Variants in SENP7 observed in about 807,000 individuals in gnomAD.
The protein encoded by SENP7 is SUMO specific peptidase 7, also known as sentrin-specific protease 7.
SENP7 carries 64 observed loss-of-function variants against 141.2 expected under a neutral mutation model. The ratio of observed to expected loss-of-function variants is 0.45; its 90% CI spans 0.37 to 0.56. The LOEUF (loss-of-function observed/expected upper bound fraction) is 0.56, where lower values mean the gene tolerates loss of function less well. Ranked by LOEUF, SENP7 falls within the 20% of genes least tolerant of loss-of-function variation. The pLI is 0.00. For missense variants in SENP7, 1,025 were observed against 1,212.2 expected (o/e 0.85, Z 2.29); for synonymous variants, 382 against 426.4 (o/e 0.90, Z 1.28).
At chr3:101,506,150 A>G (rs2065600910) in intron 1 of SENP7, among the ~76,000 whole-genome samples, 1 of 151,170 alleles carries the variant, frequency 6.6e-6, no homozygotes, top group Non-Finnish European at 1.5e-5. Context: ...CCTCCCCAGT[A>G]CCTGGGACTA....
Position 101,332,864 on chromosome 3 carries a change from TGA to T in SENP7, c.2481-4_2481-3del. 1 of 1,576,912 alleles carries T rather than the reference TGA, an allele frequency of 6.3e-7. No homozygotes were observed. Among genetic ancestry groups the T allele is most frequent in the Non-Finnish European group, 8.6e-7 (1 of 1,167,014 alleles). On this transcript the variant is annotated splice_polypyrimidine_tract_variant and splice_region_variant and intron_variant, in intron 17 of 23. Coordinates refer to ENST00000394095, the MANE Select transcript of SENP7 (RefSeq NM_020654.5). Reference sequence around the variant, plus strand: ...CTTTTATGTCTTCTCTGTGCCATTCTGAGAGTATGAAAGACAGATTTGATATA... The same window carrying T: ...CTTTTATGTCTTCTCTGTGCCATTCTGAGTATGAAAGACAGATTTGATATA...
intron 1 of SENP7, among the ~76,000 whole-genome samples, chr3:101,503,090 T>C (rs925776075): frequency 5.9e-5 from 9 of 152,142 alleles, no homozygotes; most frequent in African/African-American, 2.2e-4. Flanking sequence ...ATCTTCAAAA[T>C]GGACAAAAGT....
intron 11 of SENP7, chr3:101,358,462 T>C (rs1381743675): frequency 1.7e-5 from 6 of 359,008 alleles, no homozygotes; most frequent in Non-Finnish European, 2.8e-5. Flanking sequence ...TAACCAGCCC[T>C]CAACTCTTAG....
At chr3:101,476,466 T>C (rs1455332625) in intron 3 of SENP7, among the ~76,000 whole-genome samples, 2 of 152,214 alleles carry the variant, frequency 1.3e-5, no homozygotes, top group African/African-American at 4.8e-5. Context: ...CTATGGTGTA[T>C]ATGTGCCACA....
chr3:101,370,494 T>C (rs980317136), intron 7 of SENP7, among the ~76,000 whole-genome samples: 2 of 152,204 alleles, frequency 1.3e-5, no homozygotes, highest in African/African-American at 2.4e-5. Context: ...ATATAACCTA[T>C]ATACATTCTC....
In SENP7 at chr3:101,327,754, A is replaced by G. The variant is rs1451199284; in HGVS notation, c.2927T>C (p.Met976Thr). 6.2e-7 allele frequency: 1 copy of G among 1,611,474 alleles called. No individual in the cohort carries two copies. Among genetic ancestry groups the G allele is most frequent in the East Asian group, 2.2e-5 (1 of 44,744 alleles). The change falls in exon 23 of 24, where the codon ATG becomes ACG. Residue 976 changes from methionine to threonine, a missense_variant. Met to Thr is a moderately conservative substitution (Grantham distance 81, BLOSUM62 -1). Coordinates refer to ENST00000394095, the MANE Select transcript of SENP7 (RefSeq NM_020654.5). ...AGGAACTTTAGGGCATAGATCCACCATGTTTGTTTTGCTGAATTGACGATG... is the reference window on the plus strand; with the variant it reads ...AGGAACTTTAGGGCATAGATCCACCGTGTTTGTTTTGCTGAATTGACGATG... ...KTHRQFSKTN[M>T]VDLCPKVPKQ...
chr3:101,402,001 CAAAAA>C (rs35310049), intron 5 of SENP7, among the ~76,000 whole-genome samples: 1 of 108,800 alleles, frequency 9.2e-6, no homozygotes, highest in African/African-American at 3.5e-5. Context: ...GACCCTGCCT[CAAAAA>C]AAAAAAAAAA....
In SENP7 at chr3:101,403,770, T is replaced by C. The variant is rs2061220506; in HGVS notation, c.483-4715A>G. Among the ~76,000 whole-genome samples the C allele has an allele frequency of 2.0e-5, 3 of 152,090 alleles. No individual in the cohort carries two copies. The South Asian group carries it at 6.2e-4, about 31-fold the overall frequency. On this transcript the variant is annotated intron_variant, in intron 5 of 23. Transcript: ENST00000394095. ...TACAAAAATCACTAGCATTCCTATATACCAACAACAGCCAAGTGGAGAACC... is the reference window on the plus strand; with the variant it reads ...TACAAAAATCACTAGCATTCCTATACACCAACAACAGCCAAGTGGAGAACC...
At chr3:101,502,762 A>G (rs2065439900) in intron 1 of SENP7, among the ~76,000 whole-genome samples, 1 of 152,152 alleles carries the variant, frequency 6.6e-6, no homozygotes, top group South Asian at 2.1e-4. Flanking sequence ...AAAAATATTT[A>G]AAAAGGAGCT....
chr3:101,462,067 T>C (rs2063563926), intron 3 of SENP7, among the ~76,000 whole-genome samples: 1 of 152,174 alleles, frequency 6.6e-6, no homozygotes, highest in Non-Finnish European at 1.5e-5. Flanking sequence ...AGTTTCCATT[T>C]GGGGTAATGA....
At chr3:101,397,733 G>A (rs1394905474) in intron 6 of SENP7, among the ~76,000 whole-genome samples, 3 of 152,020 alleles carry the variant, frequency 2.0e-5, no homozygotes, top group Non-Finnish European at 4.4e-5. Context: ...GCTTACAATA[G>A]AAATACAAAC....
chr3:101,476,864 T>C (rs543008362), intron 3 of SENP7, among the ~76,000 whole-genome samples: 1 of 152,360 alleles, frequency 6.6e-6, no homozygotes, highest in East Asian at 1.9e-4. Context: ...ATGATGAGCT[T>C]TTTTTCATGT....
chr3:101,463,527 G>T (rs1176300466), intron 3 of SENP7, among the ~76,000 whole-genome samples: 2 of 150,928 alleles, frequency 1.3e-5, no homozygotes, highest in African/African-American at 4.9e-5. Flanking sequence ...GTGCAACTAA[G>T]AATTCTAGAC....
chr3:101,461,679 C>T (rs2063552223), intron 3 of SENP7, among the ~76,000 whole-genome samples: 1 of 150,756 alleles, frequency 6.6e-6, no homozygotes, highest in African/African-American at 2.4e-5. Flanking sequence ...AAGTATAAAA[C>T]AAAAGAATGG....
chr3:101,458,998 G>C lies in SENP7; in HGVS notation c.241C>G (p.His81Asp), dbSNP rs755511848. The change falls in exon 4 of 24, where the codon CAT becomes GAT. Residue 81 changes from histidine to aspartate, a missense_variant. Transcript: ENST00000394095. ...GAAGTAACAGGACACCCTCGGATAT[G>C]TTTTTTATTTTTATGGTCTAGAGAG... is the stretch of plus-strand genomic sequence containing the variant. ...VISLDHKNKK[H>D]IRGCPVTSKS... 4 of 1,609,404 alleles carry C rather than the reference G, an allele frequency of 2.5e-6. No homozygotes were observed. In the South Asian group the frequency reaches 4.4e-5, roughly 18 times the overall value.
intron 3 of SENP7, among the ~76,000 whole-genome samples, chr3:101,471,868 AGACATCTATG>A (rs2064010380): frequency 6.6e-6 from 1 of 152,262 alleles, no homozygotes; most frequent in Non-Finnish European, 1.5e-5. Flanking sequence ...TCTCAAAAGA[AGACATCTATG>A]CAGCCAACAG....
chr3:101,432,293 T>G lies in SENP7; in HGVS notation c.285-14503A>C. On this transcript the variant is annotated intron_variant, in intron 4 of 23. Coordinates refer to ENST00000394095, the MANE Select transcript of SENP7 (RefSeq NM_020654.5). ...TAATACAATAGAACACTAGGTAGAC[T>G]TCTAAGGTTTTTGACTCCAGTCCCT... 1.3e-5 allele frequency among the ~76,000 whole-genome samples: 2 copies of G among 152,214 alleles called. 1 individual carries two copies.
chr3:101,455,406 A>G (rs1006899590), intron 4 of SENP7, among the ~76,000 whole-genome samples: 1 of 152,196 alleles, frequency 6.6e-6, no homozygotes, highest in African/African-American at 2.4e-5. Flanking sequence ...AACATATAAT[A>G]AGTATTTAAT....
intron 6 of SENP7, among the ~76,000 whole-genome samples, chr3:101,393,421 G>T (rs1265644921): frequency 6.6e-6 from 1 of 152,030 alleles, no homozygotes; most frequent in Non-Finnish European, 1.5e-5. Context: ...TTGGGAGATA[G>T]TCTCAAATCA....
Sources: gnomAD v4.1 joint callset for allele counts (sites outside exome capture counted in the v4.1 genomes callset) on GRCh38, gnomAD v4.1.1 for gene constraint, MANE v1.5 for transcripts, NCBI Gene and HGNC (gene_info 2026-07-23, HGNC 2026-07-21) for gene names.